Variants in CSMD3 observed in about 807,000 individuals in gnomAD.
CSMD3 encodes CUB and Sushi multiple domains 3, also known as CUB and sushi domain-containing protein 3.
A neutral mutation model predicts 435.2 loss-of-function variants in CSMD3; 177 were observed. The ratio of observed to expected loss-of-function variants is 0.41; its 90% CI spans 0.36 to 0.46. The LOEUF is 0.46. CSMD3 is among the 20% of genes least tolerant of loss of function. The pLI is 0.34. For synonymous variants in CSMD3, 1,656 were observed against 1,520.5 expected (o/e 1.09, Z -2.07); for missense variants, 4,265 against 4,504.6 (o/e 0.95, Z 1.52).
intron 5 of CSMD3, among the ~76,000 whole-genome samples, chr8:113,021,650 G>T (rs748942905): frequency 1.3e-5 from 2 of 152,230 alleles, no homozygotes; most frequent in Admixed American, 6.5e-5. Flanking sequence ...CAATAAAAAT[G>T]ATAAACTTTC....
At chr8:112,335,045 G>C (rs1054273251) in intron 45 of CSMD3, among the ~76,000 whole-genome samples, 8 of 152,128 alleles carry the variant, frequency 5.3e-5, no homozygotes, top group African/African-American at 1.9e-4. Flanking sequence ...TGAACAGCTG[G>C]TTCTCCTTTA....
intron 45 of CSMD3, 78 bp downstream of exon 45, chr8:112,335,251 A>C: frequency 1.5e-6 from 2 of 1,355,660 alleles, no homozygotes; most frequent in Non-Finnish European, 2.1e-6. Context: ...TCATTGGTTA[A>C]ATATATATTA....
chr8:112,313,526 A>G (rs1822179121), intron 49 of CSMD3, among the ~76,000 whole-genome samples: 1 of 152,152 alleles, frequency 6.6e-6, no homozygotes, highest in African/African-American at 2.4e-5. Context: ...AAGAAAACAA[A>G]TCTATTTTTT....
chr8:112,654,745 T>TA lies in CSMD3; in HGVS notation c.3004+1408dup, dbSNP rs532119713. Reference sequence around the variant, plus strand: ...TGCATGTTTTGTTTCATTTAATCTTTAAAATAGTCCTGTTTTTGGTAAAGA... The same window carrying TA: ...TGCATGTTTTGTTTCATTTAATCTTTAAAAATAGTCCTGTTTTTGGTAAAGA... On this transcript the variant is annotated intron_variant, in intron 18 of 70. Transcript: ENST00000297405. Among the ~76,000 whole-genome samples, 12 of 152,356 alleles carry TA rather than the reference T, an allele frequency of 7.9e-5. 1 individual carries two copies. The South Asian group carries it at 2.3e-3, about 29-fold the overall frequency.
In CSMD3 at chr8:112,567,460, G is replaced by C. The variant is rs577884046; in HGVS notation, c.4042+6041C>G. Among the ~76,000 whole-genome samples, 181 of 152,076 alleles carry C rather than the reference G, an allele frequency of 1.2e-3. 1 individual carries two copies. Among genetic ancestry groups the C allele is most frequent in the Admixed American group, 2.2e-3 (33 of 15,252 alleles). The stretch of plus-strand genomic sequence containing the variant: ...GGGCAGGAACTTTCTCTTATTAATT[G>C]TTCTCTATATTTTCAATATATAATA... On this transcript the variant is annotated intron_variant, in intron 24 of 70. Transcript: ENST00000297405.
chr8:112,855,587 G>GA (rs767565648), intron 11 of CSMD3, among the ~76,000 whole-genome samples: 12 of 151,884 alleles, frequency 7.9e-5, no homozygotes, highest in East Asian at 5.8e-4. Context: ...ATAGAGGGAT[G>GA]AAAAAATAGA....
intron 5 of CSMD3, among the ~76,000 whole-genome samples, chr8:113,076,517 C>A (rs1388890471): frequency 6.6e-6 from 1 of 151,826 alleles, no homozygotes; most frequent in Non-Finnish European, 1.5e-5. Flanking sequence ...TATAGTAGTA[C>A]AAGAAAAATG....
chr8:112,473,721 ATTT>A (rs71309772), intron 31 of CSMD3, among the ~76,000 whole-genome samples: 4 of 131,304 alleles, frequency 3.0e-5, no homozygotes, highest in Admixed American at 7.8e-5. Context: ...AGGAAGAGGG[ATTT>A]TTTTTTTTTT....
intron 1 of CSMD3, among the ~76,000 whole-genome samples, chr8:113,403,901 G>A (rs2094521275): frequency 6.6e-6 from 1 of 151,396 alleles, no homozygotes; most frequent in Non-Finnish European, 1.5e-5. Context: ...TATTTTATGA[G>A]TCACTCAAAT....
intron 22 of CSMD3, among the ~76,000 whole-genome samples, chr8:112,634,771 C>T (rs996420130): frequency 9.3e-5 from 14 of 151,228 alleles, no homozygotes; most frequent in South Asian, 2.1e-4. Context: ...ACCTATGTAA[C>T]GGCCTGGCAT....
intron 32 of CSMD3, among the ~76,000 whole-genome samples, chr8:112,457,652 A>G (rs1816973193): frequency 6.6e-6 from 1 of 152,062 alleles, no homozygotes; most frequent in African/African-American, 2.4e-5. Context: ...ATTTAGGAGC[A>G]GGGAATAGGT....
intron 32 of CSMD3, among the ~76,000 whole-genome samples, chr8:112,449,326 C>G (rs1414013356): frequency 6.6e-6 from 1 of 152,296 alleles, no homozygotes; most frequent in East Asian, 1.9e-4. Context: ...GCAACCCTCG[C>G]TCTTCTAATG....
chr8:112,272,778 TA>T (rs1239345448), intron 59 of CSMD3, among the ~76,000 whole-genome samples: 1 of 152,212 alleles, frequency 6.6e-6, no homozygotes, highest in Admixed American at 6.5e-5. Flanking sequence ...GATTACCACA[TA>T]TAAACACTAT....
At chr8:112,432,746 C>T (rs1312975233) in intron 32 of CSMD3, among the ~76,000 whole-genome samples, 1 of 151,950 alleles carries the variant, frequency 6.6e-6, no homozygotes, top group Non-Finnish European at 1.5e-5. Flanking sequence ...GTTTGGGAAG[C>T]AAAACACATT....
intron 16 of CSMD3, among the ~76,000 whole-genome samples, chr8:112,669,235 T>C (rs892322595): frequency 1.3e-5 from 2 of 152,110 alleles, no homozygotes; most frequent in Admixed American, 6.6e-5. Context: ...GGTTTCGCCA[T>C]GGCCAGGCTG....
At chr8:112,866,303 C>T (rs1198992070) in intron 10 of CSMD3, among the ~76,000 whole-genome samples, 1 of 151,984 alleles carries the variant, frequency 6.6e-6, no homozygotes, top group African/African-American at 2.4e-5. Context: ...AACTTGTAAA[C>T]TTAGATAGTT....
chr8:113,265,424 A>G (rs1265176842), intron 3 of CSMD3, among the ~76,000 whole-genome samples: 1 of 151,616 alleles, frequency 6.6e-6, no homozygotes, highest in Non-Finnish European at 1.5e-5. Context: ...AACCCTGGCT[A>G]GAAATGAAGC....
At chr8:112,914,474 C>T (rs1189800346) in intron 10 of CSMD3, among the ~76,000 whole-genome samples, 1 of 151,436 alleles carries the variant, frequency 6.6e-6, no homozygotes, top group Non-Finnish European at 1.5e-5. Context: ...ACACTATTTA[C>T]CTAGCTCCAC....
intron 9 of CSMD3, 30 bp from the exon 10 acceptor site, chr8:112,921,781 A>G (rs778469256): frequency 2.1e-5 from 33 of 1,557,452 alleles, no homozygotes; most frequent in South Asian, 5.6e-5. Context: ...AAAAAATATG[A>G]TAAGAAAGAT....
Sources: allele counts gnomAD v4.1 joint callset (sites outside exome capture counted in the v4.1 genomes callset), GRCh38; gene constraint gnomAD v4.1.1; transcripts MANE v1.5; gene names NCBI Gene and HGNC (gene_info 2026-07-23, HGNC 2026-07-21).